The following MYL9 variants were observed in gnomAD, a reference collection of about 807,000 sequenced individuals.
MYL9 encodes the protein myosin regulatory light polypeptide 9.
Under a neutral mutation model 12.8 loss-of-function variants are expected in MYL9, and 7 were observed. That is an observed-to-expected ratio of 0.55 (90% CI 0.31 to 1.03). MYL9 has a LOEUF of 1.03. MYL9 is among the 50% of genes least tolerant of loss of function. The pLI is 0.05. For synonymous variants in MYL9, 81 were observed against 87.8 expected (o/e 0.92, Z 0.43); for missense variants, 190 against 242.7 (o/e 0.78, Z 1.44).
At chr20:36,549,009 A>T in intron 3 of MYL9, 68 bp from the exon 4 acceptor site, 1 of 1,489,154 alleles carries the variant, frequency 6.7e-7, no homozygotes, top group South Asian at 1.3e-5. Flanking sequence ...CAGGGGGCTG[A>T]GGGATGGGGC....
rs1422758018 is a variant in MYL9, at chr20:36,542,105, TG to T, written c.-27+545del. On this transcript the variant is annotated intron_variant, in intron 1 of 3. Coordinates refer to ENST00000279022, the MANE Select transcript of MYL9 (RefSeq NM_006097.5). ...GGGGCCCTTCCGACACAGCCAGTGC[TG>T]TATGCAGGGACCCGGGCCTTCCCCT... is the stretch of plus-strand genomic sequence containing the variant. 4.6e-5 allele frequency among the ~76,000 whole-genome samples: 7 copies of T among 152,206 alleles called. 1 individual carries two copies. Among genetic ancestry groups the T allele is most frequent in the Admixed American group, 4.6e-4 (7 of 15,292 alleles).
intron 1 of MYL9, among the ~76,000 whole-genome samples, chr20:36,543,053 C>T (rs1214164726): frequency 6.6e-6 from 1 of 152,216 alleles, no homozygotes; most frequent in African/African-American, 2.4e-5. Flanking sequence ...CACCAGGAGT[C>T]AAAGTTCCCG....
Position 36,548,090 on chromosome 20 carries a change from C to T in MYL9, c.243C>T (p.Ile81=). ...EGMMSEAPGP[I]NFTMFLTMFG... is the part of the protein sequence containing the mutation. ...TGATGAGCGAGGCCCCGGGGCCCAT[C>T]AACTTCACCATGTTCCTCACCATGT... Residue 81 remains isoleucine, a synonymous_variant, in exon 3 of 4, where the codon ATC becomes ATT. Coordinates refer to ENST00000279022, the MANE Select transcript of MYL9 (RefSeq NM_006097.5). 1 of 1,613,960 alleles carries T rather than the reference C, an allele frequency of 6.2e-7. No homozygotes were observed. The highest frequency in any genetic ancestry group is 8.5e-7 in the Non-Finnish European group (1 of 1,179,892).
intron 2 of MYL9, among the ~76,000 whole-genome samples, chr20:36,545,361 G>T (rs560063924): frequency 6.6e-6 from 1 of 151,956 alleles, no homozygotes; most frequent in Non-Finnish European, 1.5e-5. Context: ...GCCGAGCGTG[G>T]TGGCGGGCGC....
intron 2 of MYL9, 94 bp from the exon 3 acceptor site, chr20:36,547,938 G>A (rs935537710): frequency 1.7e-5 from 23 of 1,387,808 alleles, no homozygotes; most frequent in Admixed American, 2.6e-5. Flanking sequence ...CACACGGAGC[G>A]GTGAAGGGCA....
chr20:36,548,142 C>A lies in MYL9; in HGVS notation c.295C>A (p.Pro99Thr). The A allele has an allele frequency of 6.2e-7, 1 of 1,613,950 alleles. No individual in the cohort carries two copies. The highest frequency in any genetic ancestry group is 8.5e-7 in the Non-Finnish European group (1 of 1,179,874). Residue 99 changes from proline to threonine, a missense_variant, in exon 3 of 4, where the codon CCC becomes ACC. Pro to Thr is a conservative substitution (Grantham distance 38, BLOSUM62 -1). Coordinates refer to ENST00000279022, the MANE Select transcript of MYL9 (RefSeq NM_006097.5). ...MFGEKLNGTDPEDVIRNAFAC... is the reference protein window; with the variant it reads ...MFGEKLNGTDTEDVIRNAFAC... ...TGGGGAGAAGCTGAACGGCACGGAC[C>A]CCGAGGATGTGATTCGCAACGCCTT...
intron 1 of MYL9, among the ~76,000 whole-genome samples, chr20:36,543,367 G>A (rs1449796660): frequency 6.6e-6 from 1 of 152,206 alleles, no homozygotes; most frequent in Non-Finnish European, 1.5e-5. Flanking sequence ...GTCATGGGAG[G>A]AAGGCCTGGA....
intron 2 of MYL9, among the ~76,000 whole-genome samples, chr20:36,545,739 G>C (rs2038091441): frequency 6.6e-6 from 1 of 151,958 alleles, no homozygotes; most frequent in South Asian, 2.1e-4. Context: ...GATCATCCTG[G>C]CTAACATGGT....
intron 3 of MYL9, among the ~76,000 whole-genome samples, chr20:36,548,547 C>T (rs2038130680): frequency 6.6e-6 from 1 of 152,216 alleles, no homozygotes; most frequent in East Asian, 1.9e-4. Context: ...TCATTTTTCC[C>T]AGGGACATGT....
chr20:36,543,805 C>T (rs1009440776), intron 1 of MYL9, among the ~76,000 whole-genome samples: 2 of 151,798 alleles, frequency 1.3e-5, no homozygotes, highest in Non-Finnish European at 2.9e-5. Flanking sequence ...GAGAGGGGGG[C>T]GGTCTCAAGA....
At chr20:36,548,967 C>A in intron 3 of MYL9, 110 bp from the exon 4 acceptor site, 1 of 1,132,894 alleles carries the variant, frequency 8.8e-7, no homozygotes, top group Non-Finnish European at 1.3e-6. Flanking sequence ...AAGATTGTAT[C>A]TTCCCAGCCC....
chr20:36,545,110 G>A (rs2147895794), intron 2 of MYL9, 42 bp downstream of exon 2: 1 of 1,598,700 alleles, frequency 6.3e-7, no homozygotes, highest in Non-Finnish European at 8.5e-7. Context: ...ATGAGGCCAG[G>A]CAGGCTCTGC....
chr20:36,549,376 C>T lies in MYL9; in HGVS notation c.*127C>T. 1 of 839,686 alleles carries T rather than the reference C, an allele frequency of 1.2e-6. No individual in the cohort carries two copies. The highest frequency in any genetic ancestry group is 1.7e-5 in the African/African-American group (1 of 58,366). The allele number at this position is 839,686 out of a possible 1,614,324, so 52.0% of individuals were successfully genotyped here. A position where few individuals can be genotyped will look rare whatever the true frequency, so the allele number is the denominator to read the frequency against. On this transcript the variant is annotated 3_prime_UTR_variant, in exon 4 of 4. Transcript: ENST00000279022. ...CCTTTGAGGGGTTAGGGTCCCAGTTCCCAGTGGAAGAAACAGGCCAGGAGA... is the reference window on the plus strand; with the variant it reads ...CCTTTGAGGGGTTAGGGTCCCAGTTTCCAGTGGAAGAAACAGGCCAGGAGA...
In MYL9 at chr20:36,549,174, T is replaced by G; in HGVS notation, c.444T>G (p.Ile148Met). 1 of 1,613,998 alleles carries G rather than the reference T, an allele frequency of 6.2e-7. No individual in the cohort carries two copies. The highest frequency in any genetic ancestry group is 1.1e-5 in the South Asian group (1 of 91,066). The change falls in exon 4 of 4, where the codon ATT becomes ATG. Residue 148 changes from isoleucine (I) to methionine (M), a missense_variant. Coordinates refer to ENST00000279022, the MANE Select transcript of MYL9 (RefSeq NM_006097.5). The stretch of plus-strand genomic sequence containing the variant: ...ACGAGATGTACCGGGAGGCACCCAT[T>G]GATAAGAAAGGCAACTTCAACTACG... ...EVDEMYREAP[I>M]DKKGNFNYVE... is the part of the protein sequence containing the mutation.
chr20:36,543,187 G>C (rs1338451862), intron 1 of MYL9, among the ~76,000 whole-genome samples: 1 of 152,196 alleles, frequency 6.6e-6, no homozygotes, highest in East Asian at 1.9e-4. Flanking sequence ...CTACCTTCCT[G>C]AACCATGCAA....
chr20:36,546,811 T>C (rs746995287), intron 2 of MYL9, among the ~76,000 whole-genome samples: 2 of 152,192 alleles, frequency 1.3e-5, no homozygotes, highest in Admixed American at 1.3e-4. Context: ...GGTTTCGCCA[T>C]GTTGGCCAGG....
chr20:36,545,759 T>C (rs993111986), intron 2 of MYL9, among the ~76,000 whole-genome samples: 4 of 150,876 alleles, frequency 2.7e-5, no homozygotes, highest in Non-Finnish European at 4.4e-5. Context: ...TGAAACCCCG[T>C]CTCTACTAAA....
rs958915738 is a variant in MYL9 at position 36,550,924 on chromosome 20, C to A, written c.*1675C>A. The A allele has an allele frequency of 6.5e-6, 1 of 152,732 alleles. No individual in the cohort carries two copies. Among genetic ancestry groups the A allele is most frequent in the African/African-American group, 2.4e-5 (1 of 41,460 alleles). 9.5% of individuals were successfully genotyped at this position (152,732 alleles called of 1,614,324 possible). A position where few individuals can be genotyped will look rare whatever the true frequency, so the allele number is the denominator to read the frequency against. ...GCAACTCTCAGTCTGGCCACCCATT[C>A]GATGCTGCCAGCCCCAAGGGTGTGG... On this transcript the variant is annotated 3_prime_UTR_variant, in exon 4 of 4. Transcript: ENST00000279022.
At chr20:36,547,258 A>C (rs1243603125) in intron 2 of MYL9, among the ~76,000 whole-genome samples, 1 of 152,188 alleles carries the variant, frequency 6.6e-6, no homozygotes, top group Non-Finnish European at 1.5e-5. Context: ...TAATAAGAAG[A>C]AGCCCTGCAG....
Sources: allele counts gnomAD v4.1 joint callset (sites outside exome capture counted in the v4.1 genomes callset), GRCh38; gene constraint gnomAD v4.1.1; transcripts MANE v1.5; gene names NCBI Gene and HGNC (gene_info 2026-07-23, HGNC 2026-07-21).